CASTOR1: variants seen among roughly 807,000 people sequenced by gnomAD.
The protein encoded by CASTOR1 is cytosolic arginine sensor for mTORC1 subunit 1.
A neutral mutation model predicts 33.7 loss-of-function variants in CASTOR1; 18 were observed. The observed-to-expected ratio is 0.53, with a 90% CI of 0.37 to 0.79. CASTOR1 has a LOEUF of 0.79. Ranked by LOEUF, CASTOR1 falls within the 30% of genes least tolerant of loss-of-function variation. The probability of loss-of-function intolerance (pLI) is 0.00; values close to 1 mark genes in which losing one functional copy is unlikely to be tolerated. For missense variants in CASTOR1, 362 were observed against 446.3 expected (o/e 0.81, Z 1.70); for synonymous variants, 175 against 190.6 (o/e 0.92, Z 0.67).
At position 30,286,885 on chromosome 22, in the gene CASTOR1, T is replaced by A. The variant is rs143253536; in HGVS notation, c.569A>T (p.Asp190Val). ...GGCGATGGCTGGAAGCGTCTCAGGG[T>A]CCAGTGTGAGGACACAGAAGCGGTT... ...PQNRFCVLTL[D>V]PETLPAIATT... The change falls in exon 5 of 9, where the codon GAC becomes GTC. Residue 190 changes from aspartate to valine, a missense_variant. Physicochemically the swap from Asp to Val is radical, Grantham distance 152. Coordinates refer to ENST00000407689, the MANE Select transcript of CASTOR1 (RefSeq NM_001037666.3). 561 of 1,614,010 alleles carry A rather than the reference T, an allele frequency of 3.5e-4. 3 individuals carry two copies. In the African/African-American group the frequency reaches 6.9e-3, roughly 20 times the overall value.
chr22:30,286,113 G>T lies in CASTOR1; in HGVS notation c.744-15C>A. On this transcript the variant is annotated splice_polypyrimidine_tract_variant and intron_variant, in intron 6 of 8. Transcript: ENST00000407689. ...CACTGGGGAACCTGGGGAGGGAGAT[G>T]GGTGATGGGCAGGGCACCCCCATCC... 1 of 1,554,118 alleles carries T rather than the reference G, an allele frequency of 6.4e-7. No individual in the cohort carries two copies. The highest frequency in any genetic ancestry group is 1.8e-4 in the Middle Eastern group (1 of 5,482).
At position 30,285,645 on chromosome 22, in the gene CASTOR1, C is replaced by T. The variant is rs555778486; in HGVS notation, c.965G>A (p.Arg322Gln). 68 of 1,570,178 alleles carry T rather than the reference C, an allele frequency of 4.3e-5. No homozygotes were observed. The African/African-American group carries it at 5.1e-4, about 12-fold the overall frequency. ...GIGSVIEVLQ[R>Q]RQEGLAS The stretch of plus-strand genomic sequence containing the variant: ...TCAGGAAGCCAGGCCTTCCTGCCGC[C>T]GCTGGAGGACCTCGATGACGCTGCC... The change falls in exon 9 of 9, where the codon CGG becomes CAG. Residue 322 changes from arginine (R) to glutamine (Q), a missense_variant. Transcript: ENST00000407689.
chr22:30,286,157 G>C, intron 6 of CASTOR1, 59 bp from the exon 7 acceptor site: 4 of 1,442,302 alleles, frequency 2.8e-6, no homozygotes, highest in Non-Finnish European at 3.8e-6. Flanking sequence ...CTGACCGTGA[G>C]CTCTGGGACA....
chr22:30,288,586 C>A (rs1222637543), intron 2 of CASTOR1, 120 bp downstream of exon 2: 3 of 795,266 alleles, frequency 3.8e-6, no homozygotes, highest in Non-Finnish European at 6.3e-6. Flanking sequence ...ATTCGAACCC[C>A]GACCCATCTG....
intron 1 of CASTOR1, chr22:30,289,086 G>C: frequency 1.8e-6 from 1 of 563,854 alleles, no homozygotes; most frequent in Non-Finnish European, 3.1e-6. Flanking sequence ...CTGACATGAA[G>C]GGAGGCGTCC....
chr22:30,285,940 AG>A lies in CASTOR1; in HGVS notation c.827-15del. 1 of 1,596,802 alleles carries A rather than the reference AG, an allele frequency of 6.3e-7. No homozygotes were observed. ...TGCCACATTCATCTGAGGGTGGTGG[AG>A]GAAGGCCACATGTGGCACATGCCGG... On this transcript the variant is annotated splice_polypyrimidine_tract_variant and intron_variant, in intron 7 of 8. Transcript: ENST00000407689.
Position 30,289,427 on chromosome 22 carries a change from G to C in CASTOR1, c.71C>G (p.Thr24Ser). The change falls in exon 1 of 9, where the codon ACC becomes AGC. Residue 24 changes from threonine to serine, a missense_variant. Transcript: ENST00000407689. ...SVARPGLWLY[T>S]HPLIKLLFLP... ...GAAGAGCAGCTTGATGAGCGGGTGG[G>C]TGTAGAGCCAGAGACCGGGACGGGC... 1 of 1,600,722 alleles carries C rather than the reference G, an allele frequency of 6.2e-7. No homozygotes were observed. Among genetic ancestry groups the C allele is most frequent in the South Asian group, 1.1e-5 (1 of 90,464 alleles).
At position 30,285,931 on chromosome 22, in the gene CASTOR1, G is replaced by T. The variant is rs781277636; in HGVS notation, c.827-5C>A. ...GTGCCACGATGCCACATTCATCTGAGGGTGGTGGAGGAAGGCCACATGTGG... is the reference window on the plus strand; with the variant it reads ...GTGCCACGATGCCACATTCATCTGATGGTGGTGGAGGAAGGCCACATGTGG... On this transcript the variant is annotated splice_region_variant and splice_polypyrimidine_tract_variant and intron_variant, in intron 7 of 8. Coordinates refer to ENST00000407689, the MANE Select transcript of CASTOR1 (RefSeq NM_001037666.3). 6.3e-7 allele frequency: 1 copy of T among 1,598,652 alleles called. No homozygotes were observed. Among genetic ancestry groups the T allele is most frequent in the Non-Finnish European group, 8.5e-7 (1 of 1,173,326 alleles).
chr22:30,288,875 G>A, intron 1 of CASTOR1, 99 bp from the exon 2 acceptor site: 3 of 972,986 alleles, frequency 3.1e-6, no homozygotes, highest in Non-Finnish European at 4.5e-6. Flanking sequence ...GCGACCCTGG[G>A]CCGGGCGCCT....
Position 30,285,590 on chromosome 22 carries a change from G to A in CASTOR1, c.*30C>T. 2.6e-6 allele frequency: 4 copies of A among 1,515,014 alleles called. No individual in the cohort carries two copies. Among genetic ancestry groups the A allele is most frequent in the Non-Finnish European group, 3.6e-6 (4 of 1,116,958 alleles). 93.8% of individuals were successfully genotyped at this position (1,515,014 alleles called of 1,614,324 possible). On this transcript the variant is annotated 3_prime_UTR_variant, in exon 9 of 9. Transcript: ENST00000407689. ...TTTGGAAGCCTGGGTCGAGGGGAGAGCAGGGAGGCTGCTCTGTTGCCCATG... is the reference window on the plus strand; with the variant it reads ...TTTGGAAGCCTGGGTCGAGGGGAGAACAGGGAGGCTGCTCTGTTGCCCATG...
intron 2 of CASTOR1, 59 bp downstream of exon 2, chr22:30,288,647 T>C: frequency 6.9e-7 from 1 of 1,454,914 alleles, no homozygotes; most frequent in Non-Finnish European, 9.6e-7. Context: ...GTGAGAACCC[T>C]ACAGAAGGGG....
rs201164151 is a variant in CASTOR1, at chr22:30,287,450, G to A, written c.295C>T (p.Arg99Cys). 2.1e-4 allele frequency: 337 copies of A among 1,613,380 alleles called. 2 individuals carry two copies. Among genetic ancestry groups the A allele is most frequent in the East Asian group, 7.6e-4 (34 of 44,890 alleles). ...TCGGCCAGTGGCGCGATGACCGAAC[G>A]GGCGATCTTGGTGACCCCAGCAGCC... ...VQAAGVTKIA[R>C]SVIAPLAEHH... Residue 99 changes from arginine to cysteine, a missense_variant, in exon 3 of 9, where the codon CGT (arginine) becomes TGT (cysteine). Physicochemically the swap from Arg to Cys is radical, Grantham distance 180 (BLOSUM62 -3). Coordinates refer to ENST00000407689, the MANE Select transcript of CASTOR1 (RefSeq NM_001037666.3).
intron 2 of CASTOR1, chr22:30,288,005 T>G (rs1601663526): frequency 2.5e-6 from 1 of 405,750 alleles, no homozygotes; most frequent in East Asian, 7.1e-5. Context: ...GACCCAGACT[T>G]CTGAAGTAAA....
intron 1 of CASTOR1, chr22:30,289,078 G>A: frequency 1.8e-6 from 1 of 563,314 alleles, no homozygotes; most frequent in Non-Finnish European, 3.1e-6. Flanking sequence ...CAGCCCCTCT[G>A]ACATGAAGGG....
intron 6 of CASTOR1, 58 bp downstream of exon 6, chr22:30,286,205 C>T (rs1929760742): frequency 1.4e-6 from 2 of 1,469,280 alleles, no homozygotes; most frequent in Non-Finnish European, 1.9e-6. Context: ...TGCCCCACCT[C>T]CTCCCTGCCT....
Position 30,288,936 on chromosome 22 carries a change from C to A in CASTOR1, c.114-160G>T, listed in dbSNP as rs1004315699. The A allele has an allele frequency of 6.7e-6, 4 of 592,948 alleles. No individual in the cohort carries two copies. In the African/African-American group the frequency reaches 7.6e-5, roughly 11 times the overall value. 36.7% of individuals were successfully genotyped at this position (592,948 alleles called of 1,614,324 possible). ...CAGGCCAATGGGATGTTAGCCCCAT[C>A]TCGGGGGTTGGGGGCTACTTTCCGG... On this transcript the variant is annotated intron_variant, in intron 1 of 8. Coordinates refer to ENST00000407689, the MANE Select transcript of CASTOR1 (RefSeq NM_001037666.3).
At chr22:30,286,558 A>G (rs1929775505) in intron 5 of CASTOR1, 182 bp from the exon 6 acceptor site, 1 of 660,972 alleles carries the variant, frequency 1.5e-6, no homozygotes, top group Non-Finnish European at 2.6e-6. Context: ...GGGGAGGACA[A>G]TGAACCCAGC....
chr22:30,287,541 G>A lies in CASTOR1; in HGVS notation c.204C>T (p.Phe68=). Residue 68 remains phenylalanine, a synonymous_variant, in exon 3 of 9, where the codon TTC becomes TTT. Transcript: ENST00000407689. ...EGFKELPPSE[F]LQVAEATWLV... ...GCCATGTGGCCTCAGCTACTTGCAG[G>A]AACTCAGATGGGGGCAGCTCTGTGG... The A allele has an allele frequency of 6.2e-7, 1 of 1,612,690 alleles. No homozygotes were observed.
Position 30,286,937 on chromosome 22 carries a change from T to C in CASTOR1, c.517A>G (p.Thr173Ala), listed in dbSNP as rs1453892920. The change falls in exon 5 of 9, where the codon ACG becomes GCG. Residue 173 changes from threonine (T) to alanine (A), a missense_variant. Transcript: ENST00000407689. ...TGTGGGCTCTGGATGGGATGCACCG[T>C]GGGGCTGGGCCCTGCTGGAGGACAG... Reference protein sequence around the residue: ...FPRTQHGPSPTVHPIQSPQNR... With the variant: ...FPRTQHGPSPAVHPIQSPQNR... 1.2e-6 allele frequency: 2 copies of C among 1,612,932 alleles called. No individual in the cohort carries two copies. Among genetic ancestry groups the C allele is most frequent in the East Asian group, 2.2e-5 (1 of 44,856 alleles).
Sources: gnomAD v4.1 joint callset for allele counts on GRCh38, gnomAD v4.1.1 for gene constraint, MANE v1.5 for transcripts, NCBI Gene and HGNC (gene_info 2026-07-23, HGNC 2026-07-21) for gene names.